The following SCAMP4 variants were observed in gnomAD, a reference collection of about 807,000 sequenced individuals.
SCAMP4 encodes secretory carrier-associated membrane protein 4.
Under a neutral mutation model 32.1 loss-of-function variants are expected in SCAMP4, and 19 were observed. The observed-to-expected ratio is 0.59, with a 90% CI of 0.41 to 0.87. SCAMP4 has a LOEUF of 0.87. SCAMP4 is among the 40% of genes least tolerant of loss of function. The pLI, the probability that SCAMP4 is intolerant of heterozygous loss-of-function variation, is 0.00. For synonymous variants in SCAMP4, 152 were observed against 132.7 expected (o/e 1.15, Z -1.00); for missense variants, 302 against 309.0 (o/e 0.98, Z 0.17).
rs772171627 is a variant in SCAMP4 at position 1,924,252 on chromosome 19, C to T, written c.658C>T (p.Pro220Ser). 1 of 1,602,570 alleles carries T rather than the reference C, an allele frequency of 6.2e-7. No individual in the cohort carries two copies. Among genetic ancestry groups the T allele is most frequent in the South Asian group, 1.1e-5 (1 of 89,368 alleles). The change falls in exon 7 of 7, where the codon CCC becomes TCC. Residue 220 changes from proline (P) to serine (S), a missense_variant. Coordinates refer to ENST00000316097, the MANE Select transcript of SCAMP4 (RefSeq NM_079834.4). ...GNSLPEYPTV[P>S]SYPGSGQWP The stretch of plus-strand genomic sequence containing the variant: ...CAGCCTGCCCGAGTACCCCACTGTG[C>T]CCAGCTACCCGGGCAGTGGCCAGTG...
intron 1 of SCAMP4, chr19:1,913,284 C>T: frequency 7.6e-7 from 1 of 1,316,492 alleles, no homozygotes; most frequent in South Asian, 1.6e-5. Flanking sequence ...CAGCGGGGAG[C>T]ACGGGTGCTG....
chr19:1,917,285 G>A (rs1256810157), intron 2 of SCAMP4, among the ~76,000 whole-genome samples: 1 of 152,184 alleles, frequency 6.6e-6, no homozygotes, highest in Non-Finnish European at 1.5e-5. Context: ...TAGCCTGGGA[G>A]ACAGCGCGAG....
At chr19:1,918,078 G>C (rs377060107) in intron 3 of SCAMP4, 49 bp from the exon 4 acceptor site, 1 of 1,572,816 alleles carries the variant, frequency 6.4e-7, no homozygotes, top group Non-Finnish European at 8.6e-7. Flanking sequence ...GCTTTCCCAC[G>C]GCCACACCCT....
At chr19:1,909,905 G>A (rs190791107) in intron 1 of SCAMP4, among the ~76,000 whole-genome samples, 4 of 152,354 alleles carry the variant, frequency 2.6e-5, no homozygotes, top group Middle Eastern at 3.4e-3. Context: ...CTTACGTTTC[G>A]TGGCTTGTCT....
intron 5 of SCAMP4, chr19:1,922,393 C>A: frequency 1.5e-6 from 1 of 689,040 alleles, no homozygotes; most frequent in Non-Finnish European, 1.8e-6. Flanking sequence ...CGCCCTCATG[C>A]CTGGCTAATT....
intron 1 of SCAMP4, chr19:1,913,299 C>T: frequency 8.1e-7 from 1 of 1,229,174 alleles, no homozygotes; most frequent in Non-Finnish European, 1.1e-6. Flanking sequence ...GTGCTGCCTT[C>T]CGTGCGGATC....
At position 1,912,475 on chromosome 19, in the gene SCAMP4, C is replaced by T. The variant is rs1171814011; in HGVS notation, c.-41-2504C>T. On this transcript the variant is annotated intron_variant, in intron 1 of 6. Coordinates refer to ENST00000316097, the MANE Select transcript of SCAMP4 (RefSeq NM_079834.4). ...GGCCTGGGGCAACCCTTCCTGGTGC[C>T]CGTGCCCGCCCGGCCGCCTCTGACC... The T allele has an allele frequency of 2.7e-6, 4 of 1,500,608 alleles. No individual in the cohort carries two copies. The highest frequency in any genetic ancestry group is 5.4e-5 in the East Asian group (2 of 36,908). 93.0% of individuals were successfully genotyped at this position (1,500,608 alleles called of 1,614,324 possible). A position where few individuals can be genotyped will look rare whatever the true frequency, so the allele number is the denominator to read the frequency against.
chr19:1,925,542 C>T lies in SCAMP4; in HGVS notation c.*1258C>T, dbSNP rs1219130529. ...CAAGACATTTTCACAGCACCATTCA[C>T]AACGGTTGGGCCAAAAAGAAACTTT... On this transcript the variant is annotated 3_prime_UTR_variant, in exon 7 of 7. Transcript: ENST00000316097. 1.3e-5 allele frequency: 2 copies of T among 153,314 alleles called. No homozygotes were observed. The highest frequency in any genetic ancestry group is 1.3e-4 in the Admixed American group (2 of 15,270). 9.5% of individuals were successfully genotyped at this position (153,314 alleles called of 1,614,324 possible).
rs763139221 is a variant in SCAMP4, at chr19:1,917,813, C to G, written c.127C>G (p.Leu43Val). ...GGTCCTGGTGAAGAGGATCTACCGG[C>G]TGTGGATGTGTGAGTGCGCCTGGGG... ...HQVLVKRIYR[L>V]WMFYCATLGV... Residue 43 changes from leucine to valine, a missense_variant, in exon 3 of 7, where the codon CTG (leucine) becomes GTG (valine). By Grantham distance (32) the Leu-to-Val change is conservative. Transcript: ENST00000316097. 9 of 1,613,890 alleles carry G rather than the reference C, an allele frequency of 5.6e-6. No individual in the cohort carries two copies. Among genetic ancestry groups the G allele is most frequent in the Non-Finnish European group, 7.6e-6 (9 of 1,179,904 alleles).
rs1452401501 is a variant in SCAMP4, at chr19:1,908,451, C to T, written c.-42+3012C>T. 1.7e-5 allele frequency: 8 copies of T among 469,766 alleles called. No homozygotes were observed. The highest frequency in any genetic ancestry group is 2.6e-5 in the Non-Finnish European group (6 of 226,504). The allele number at this position is 469,766 out of a possible 1,614,324, so 29.1% of individuals were successfully genotyped here. A position where few individuals can be genotyped will look rare whatever the true frequency, so the allele number is the denominator to read the frequency against. On this transcript the variant is annotated intron_variant, in intron 1 of 6. Transcript: ENST00000316097. The surrounding 1 kb of genome is among the most constrained non-coding windows in gnomAD (Gnocchi z 4.2). ...TCGAGGAGTAGCACCCACAGCTGCG[C>T]GGCTGCGAAATGATCCAGAGACACA...
rs771938043 is a variant in SCAMP4, at chr19:1,912,155, G to C, written c.-41-2824G>C. ...AGTGCTTGGAGGCCGGGAGCCCGGA[G>C]CCTGAGCCGGCGCCGTGGCAGGCCC... On this transcript the variant is annotated intron_variant, in intron 1 of 6. Transcript: ENST00000316097. The C allele has an allele frequency of 8.1e-5, 127 of 1,568,450 alleles. No individual in the cohort carries two copies. Among genetic ancestry groups the C allele is most frequent in the Non-Finnish European group, 1.0e-4 (120 of 1,162,276 alleles).
rs769573934 is a variant in SCAMP4 at position 1,924,110 on chromosome 19, G to T, written c.516G>T (p.Val172=). The change falls in exon 7 of 7, where the codon GTG becomes GTT. Residue 172 remains valine, a splice_region_variant and synonymous_variant. Transcript: ENST00000316097. ...CTCCCTGTCCTCTGTCCTTGCAGGTGCACAGGATCTACCGAGGGGCTGGCG... is the reference window on the plus strand; with the variant it reads ...CTCCCTGTCCTCTGTCCTTGCAGGTTCACAGGATCTACCGAGGGGCTGGCG... The part of the protein sequence containing the change: ...AAMMAIAIMK[V]HRIYRGAGGS... The T allele has an allele frequency of 6.8e-6, 11 of 1,607,898 alleles. No homozygotes were observed. Among genetic ancestry groups the T allele is most frequent in the Non-Finnish European group, 7.6e-6 (9 of 1,177,238 alleles).
intron 1 of SCAMP4, chr19:1,913,296 C>T (rs1019943354): frequency 2.4e-6 from 3 of 1,254,228 alleles, no homozygotes; most frequent in African/African-American, 3.1e-5. Flanking sequence ...CGGGTGCTGC[C>T]TTCCGTGCGG....
rs945700022 is a variant in SCAMP4 at position 1,916,080 on chromosome 19, C to A, written c.7+1054C>A. Among the ~76,000 whole-genome samples the A allele has an allele frequency of 1.3e-4, 20 of 150,952 alleles. No homozygotes were observed. In the East Asian group the frequency reaches 3.9e-3, roughly 30 times the overall value. On this transcript the variant is annotated intron_variant, in intron 2 of 6. Transcript: ENST00000316097. ...ACAGCATAGTGAAACCCCATCCCTACTAAAAATATTAGCTGGGCATGGTGG... is the reference window on the plus strand; with the variant it reads ...ACAGCATAGTGAAACCCCATCCCTAATAAAAATATTAGCTGGGCATGGTGG...
chr19:1,921,257 C>T lies in SCAMP4; in HGVS notation c.396-1813C>T, dbSNP rs115137678. 1.8e-3 allele frequency: 1,749 copies of T among 985,420 alleles called. 23 individuals carry two copies. The African/African-American group carries it at 0.028, about 16-fold the overall frequency. 61.0% of individuals were successfully genotyped at this position (985,420 alleles called of 1,614,324 possible). A position where few individuals can be genotyped will look rare whatever the true frequency, so the allele number is the denominator to read the frequency against. ...TGGGGCAAGAGGCGACAGCCCCGCT[C>T]TCCCTGCCCCGGGCAGCTTCACCAG... On this transcript the variant is annotated intron_variant, in intron 5 of 6. Coordinates refer to ENST00000316097, the MANE Select transcript of SCAMP4 (RefSeq NM_079834.4).
chr19:1,911,012 A>G (rs950260558), intron 1 of SCAMP4, among the ~76,000 whole-genome samples: 5 of 152,086 alleles, frequency 3.3e-5, no homozygotes, highest in African/African-American at 1.2e-4. Context: ...AGTAGCTGGG[A>G]CTACAGGTGC....
rs1360705393 is a variant in SCAMP4 at position 1,918,682 on chromosome 19, A to G, written c.294-207A>G. 2.3e-5 allele frequency: 17 copies of G among 742,428 alleles called. No individual in the cohort carries two copies. In the East Asian group the frequency reaches 4.9e-4, roughly 21 times the overall value. 46.0% of individuals were successfully genotyped at this position (742,428 alleles called of 1,614,324 possible). On this transcript the variant is annotated intron_variant, in intron 4 of 6. Transcript: ENST00000316097. ...GAGGCTGAGGCAAGAGAATCGCTTG[A>G]ACCCGGGAGGCAGAGGTTGCAGTGA... is the stretch of plus-strand genomic sequence containing the variant.
Position 1,918,947 on chromosome 19 carries a change from C to G in SCAMP4, c.352C>G (p.Leu118Val). 6.2e-7 allele frequency: 1 copy of G among 1,612,602 alleles called. No individual in the cohort carries two copies. The highest frequency in any genetic ancestry group is 2.2e-5 in the East Asian group (1 of 44,848). Reference sequence around the variant, plus strand: ...CTTCATCTTCGGAGCCCAGTTTGTCCTGACCGTCATCCAGGCGATTGGCTT... The same window carrying G: ...CTTCATCTTCGGAGCCCAGTTTGTCGTGACCGTCATCCAGGCGATTGGCTT... ...FFFIFGAQFV[L>V]TVIQAIGFSG... The change falls in exon 5 of 7, where the codon CTG becomes GTG. Residue 118 changes from leucine to valine, a missense_variant. Physicochemically the swap from Leu to Val is conservative, Grantham distance 32. Transcript: ENST00000316097.
rs747251785 is a variant in SCAMP4, at chr19:1,918,190, C to T, written c.200C>T (p.Ser67Leu). The T allele has an allele frequency of 1.3e-5, 21 of 1,612,556 alleles. No homozygotes were observed. The African/African-American group carries it at 1.3e-4, about 10-fold the overall frequency. ...CTGGCCTGGTGGATCGGCGGAGGCT[C>T]GGGGACCAACTTCGGCCTGGCCTTC... ...ACLAWWIGGG[S>L]GTNFGLAFVW... Residue 67 changes from serine (S) to leucine (L), a missense_variant, in exon 4 of 7, where the codon TCG becomes TTG. Transcript: ENST00000316097.
Sources: gnomAD v4.1 joint callset for allele counts (sites outside exome capture counted in the v4.1 genomes callset) on GRCh38, gnomAD v4.1.1 for gene constraint, Gnocchi (gnomAD v3.1) non-coding constraint, MANE v1.5 for transcripts, NCBI Gene and HGNC (gene_info 2026-07-23, HGNC 2026-07-21) for gene names.